Variants in TMSB15B observed in about 807,000 individuals in gnomAD.
TMSB15B encodes thymosin beta 15B, also known as thymosin beta-15B.
At chrX:103,929,191 A>G in intron 1 of TMSB15B, among the ~76,000 whole-genome samples, 1 of 112,161 alleles carries the variant, frequency 8.9e-6, no homozygotes, top group Non-Finnish European at 1.9e-5. Context: ...ACAAAGCCCA[A>G]AAGTATTCCT....
At chrX:103,919,794 G>A (rs2074946381) in intron 1 of TMSB15B, among the ~76,000 whole-genome samples, 1 of 112,373 alleles carries the variant, frequency 8.9e-6, no homozygotes, top group African/African-American at 3.2e-5. Flanking sequence ...GAGGTTAAGC[G>A]TCTTGCACTG....
chrX:103,945,812 C>T (rs1346998083), intron 1 of TMSB15B, among the ~76,000 whole-genome samples: 4 of 111,892 alleles, frequency 3.6e-5, no homozygotes, highest in East Asian at 2.8e-4. Context: ...GTATAAAGCA[C>T]GAGGAATTCA....
chrX:103,926,246 C>T (rs1369114341), intron 1 of TMSB15B, among the ~76,000 whole-genome samples: 3 of 108,732 alleles, frequency 2.8e-5, no homozygotes, highest in Non-Finnish European at 3.8e-5. Context: ...CTCCATGTCT[C>T]TCCACCAAGA....
At chrX:103,933,777 A>T (rs1161122739) in intron 1 of TMSB15B, among the ~76,000 whole-genome samples, 1 of 108,578 alleles carries the variant, frequency 9.2e-6, no homozygotes, top group Non-Finnish European at 1.9e-5. Context: ...TTTATTCATG[A>T]TAAGTTTGAG....
chrX:103,921,103 C>G (rs1168241217), intron 1 of TMSB15B, among the ~76,000 whole-genome samples: 1 of 112,207 alleles, frequency 8.9e-6, no homozygotes, highest in African/African-American at 3.2e-5. Context: ...TTTCCACCCT[C>G]TTATTTACAA....
At chrX:103,939,843 C>A (rs1284808555) in intron 1 of TMSB15B, among the ~76,000 whole-genome samples, 2 of 111,658 alleles carry the variant, frequency 1.8e-5, no homozygotes, top group Non-Finnish European at 3.8e-5. Context: ...TGAGTTTTTG[C>A]GTGTTCGTCC....
chrX:103,939,460 T>C (rs1199972428), intron 1 of TMSB15B, among the ~76,000 whole-genome samples: 1 of 109,891 alleles, frequency 9.1e-6, no homozygotes, highest in African/African-American at 3.3e-5. Context: ...TATTGATACT[T>C]GTATATAATT....
intron 1 of TMSB15B, among the ~76,000 whole-genome samples, chrX:103,921,469 G>A (rs1174482720): frequency 4.5e-5 from 5 of 111,740 alleles, no homozygotes; most frequent in Admixed American, 9.5e-5. Context: ...GTCAGAGCTC[G>A]GACAAAAATA....
intron 1 of TMSB15B, among the ~76,000 whole-genome samples, chrX:103,926,916 C>T (rs1329182145): frequency 5.4e-5 from 6 of 110,403 alleles, no homozygotes; most frequent in African/African-American, 2.0e-4. Flanking sequence ...ACCCACACAG[C>T]TCTGTGCTCT....
intron 1 of TMSB15B, among the ~76,000 whole-genome samples, chrX:103,948,963 G>C (rs1556327841): frequency 8.9e-6 from 1 of 111,790 alleles, no homozygotes; most frequent in African/African-American, 3.3e-5. Flanking sequence ...AAACAGGGTG[G>C]GCAGTTTGCA....
chrX:103,928,399 C>T lies in TMSB15B; in HGVS notation c.-721+9107C>T, dbSNP rs782071850. The T allele has an allele frequency of 1.2e-4, 145 of 1,207,995 alleles. 1 individual carries two copies. The African/African-American group carries it at 2.3e-3, about 19-fold the overall frequency. ...TCTTCTGTTTGGGACTTATGATAGC[C>T]TGCTGTGCTTTCTCTCTCCTGTTGG... On this transcript the variant is annotated intron_variant, in intron 1 of 3. Coordinates refer to the TMSB15B transcript ENST00000419165.
chrX:103,922,124 C>T (rs1478865955), intron 1 of TMSB15B, among the ~76,000 whole-genome samples: 3 of 108,850 alleles, frequency 2.8e-5, no homozygotes, highest in African/African-American at 1.0e-4. Context: ...CACTGTCACC[C>T]AGGCTGGGGT....
rs1168957327 is a variant in TMSB15B, at chrX:103,939,882, C to A, written c.-721+20590C>A. Among the ~76,000 whole-genome samples the A allele has an allele frequency of 3.6e-5, 4 of 111,879 alleles. No individual in the cohort carries two copies. The South Asian group carries it at 1.1e-3, about 31-fold the overall frequency. On this transcript the variant is annotated intron_variant, in intron 1 of 3. Transcript: ENST00000419165. ...TTGTTGCTGTTGATGGTATTGCTTT[C>A]TGTTTGTTGGTTTTCCTTCTATCAG...
chrX:103,950,629 T>A (rs1413432532), intron 1 of TMSB15B, among the ~76,000 whole-genome samples: 1 of 110,101 alleles, frequency 9.1e-6, no homozygotes, highest in Non-Finnish European at 1.9e-5. Context: ...TATATATATA[T>A]ATAAAACAAT....
chrX:103,928,611 G>A (rs1556319375), intron 1 of TMSB15B: 2 of 1,163,651 alleles, frequency 1.7e-6, no homozygotes, highest in Non-Finnish European at 2.3e-6. Flanking sequence ...GGCTGTCACG[G>A]GGCTACTACC....
At chrX:103,937,828 G>C (rs1358885293) in intron 1 of TMSB15B, among the ~76,000 whole-genome samples, 5 of 111,399 alleles carry the variant, frequency 4.5e-5, no homozygotes, top group Non-Finnish European at 7.5e-5. Context: ...TTCCCTCTAC[G>C]CATTGCTTTA....
At chrX:103,952,189 GC>G (rs1428860707) in intron 1 of TMSB15B, among the ~76,000 whole-genome samples, 1 of 111,623 alleles carries the variant, frequency 9.0e-6, no homozygotes, top group African/African-American at 3.3e-5. Context: ...GTGCCACCAT[GC>G]CTAGCTTTAG....
intron 1 of TMSB15B, chrX:103,928,544 G>A (rs782507391): frequency 3.0e-5 from 36 of 1,186,834 alleles, no homozygotes; most frequent in South Asian, 7.1e-5. Context: ...AAGCAAGCTC[G>A]CTTACCCAGC....
intron 1 of TMSB15B, among the ~76,000 whole-genome samples, chrX:103,936,453 A>G (rs139478571): frequency 1.2e-3 from 128 of 110,641 alleles, no homozygotes; most frequent in African/African-American, 4.1e-3. Flanking sequence ...CTCTCTGTCT[A>G]TTATTTGTGT....
Sources: allele counts gnomAD v4.1 joint callset (sites outside exome capture counted in the v4.1 genomes callset), GRCh38; gene constraint gnomAD v4.1.1; transcripts MANE v1.5; gene names NCBI Gene and HGNC (gene_info 2026-07-23, HGNC 2026-07-21).